WNT6: variants seen among roughly 807,000 people sequenced by gnomAD.
WNT6 encodes Wnt family member 6.
In WNT6, 27 loss-of-function variants were observed where a neutral mutation model predicts 33.1. The observed-to-expected ratio is 0.82, with a 90% confidence interval of 0.60 to 1.12. The LOEUF is 1.12. Ranked by LOEUF, WNT6 falls within the 50% of genes most tolerant of loss-of-function variation. The pLI is 0.00. For synonymous variants in WNT6, 249 were observed against 242.8 expected, an observed-to-expected ratio of 1.03 and a Z score of -0.24; for missense variants, 494 against 535.3, an observed-to-expected ratio of 0.92 and a Z score of 0.76.
chr2:218,866,759 A>T (rs1944357777), intron 1 of WNT6, among the ~76,000 whole-genome samples: 1 of 152,242 alleles, frequency 6.6e-6, no homozygotes, highest in Admixed American at 6.5e-5. Context: ...AGCAAATGGC[A>T]GAGCCCAGAT....
Position 218,873,962 on chromosome 2 carries a change from C to T in WNT6, c.*117C>T. The T allele has an allele frequency of 1.8e-6, 2 of 1,113,262 alleles. No homozygotes were observed. The highest frequency in any genetic ancestry group is 2.4e-6 in the Non-Finnish European group (2 of 826,024). The allele number at this position is 1,113,262 out of a possible 1,614,324, so 69.0% of individuals were successfully genotyped here. A position where few individuals can be genotyped will look rare whatever the true frequency, so the allele number is the denominator to read the frequency against. On this transcript the variant is annotated 3_prime_UTR_variant, in exon 4 of 4. Coordinates refer to ENST00000233948, the MANE Select transcript of WNT6 (RefSeq NM_006522.4). The surrounding 1 kb of genome is among the most constrained non-coding windows in gnomAD (Gnocchi z 6.1). The stretch of plus-strand genomic sequence containing the variant: ...GAGCCCAGCCTCTCCCTGCCAAAGC[C>T]CAACTCCCAGGGCTCTGGAAATGGT...
intron 1 of WNT6, among the ~76,000 whole-genome samples, chr2:218,860,800 C>G (rs1284259936): frequency 6.6e-6 from 1 of 151,058 alleles, no homozygotes; most frequent in Non-Finnish European, 1.5e-5. Context: ...GCCTGGCCAG[C>G]CAAGGGAAGG....
intron 1 of WNT6, 146 bp from the exon 2 acceptor site, chr2:218,870,881 C>G: frequency 1.4e-6 from 1 of 695,056 alleles, no homozygotes; most frequent in Non-Finnish European, 2.4e-6. Context: ...GAGAGCCAGA[C>G]AGGACAATCT....
chr2:218,872,735 T>C (rs1490892586), intron 3 of WNT6, among the ~76,000 whole-genome samples: 1 of 152,068 alleles, frequency 6.6e-6, no homozygotes, highest in African/African-American at 2.4e-5. Context: ...GCCGCCTGGG[T>C]TCCACTCTCA....
rs149156287 is a variant in WNT6, at chr2:218,871,778, C to T, written c.595C>T (p.Arg199Cys). ...ARHKRGRGDI[R>C]ALVQLHNNEA... ...GCACAAGCGGGGACGCGGAGACATCCGCGCGTTGGTGCAACTGCACAACAA... is the reference window on the plus strand; with the variant it reads ...GCACAAGCGGGGACGCGGAGACATCTGCGCGTTGGTGCAACTGCACAACAA... Residue 199 changes from arginine (R) to cysteine (C), a missense_variant, in exon 3 of 4, where the codon CGC becomes TGC. Transcript: ENST00000233948. The surrounding 1 kb of genome is among the most constrained non-coding windows in gnomAD (Gnocchi z 6.4). 6.3e-7 allele frequency: 1 copy of T among 1,599,502 alleles called. No homozygotes were observed. Among genetic ancestry groups the T allele is most frequent in the African/African-American group, 1.4e-5 (1 of 73,510 alleles).
At chr2:218,861,844 A>G (rs1216229453) in intron 1 of WNT6, among the ~76,000 whole-genome samples, 2 of 152,054 alleles carry the variant, frequency 1.3e-5, no homozygotes, top group African/African-American at 4.8e-5. Context: ...TATCACATAC[A>G]TTGGGCAACT....
intron 1 of WNT6, 87 bp from the exon 2 acceptor site, chr2:218,870,940 G>C: frequency 7.7e-7 from 1 of 1,300,858 alleles, no homozygotes; most frequent in Non-Finnish European, 1.1e-6. Flanking sequence ...AGCTCCCGCT[G>C]CGGGCTGAGT....
Position 218,871,781 on chromosome 2 carries a change from G to T in WNT6, c.598G>T (p.Ala200Ser), listed in dbSNP as rs1350974775. The T allele has an allele frequency of 6.3e-7, 1 of 1,599,170 alleles. No homozygotes were observed. The highest frequency in any genetic ancestry group is 2.3e-5 in the East Asian group (1 of 42,616). The change falls in exon 3 of 4, where the codon GCG (alanine) becomes TCG (serine). Residue 200 changes from alanine (A) to serine (S), a missense_variant. Physicochemically the swap from Ala to Ser is moderately conservative, Grantham distance 99. Transcript: ENST00000233948. The surrounding 1 kb of genome is among the most constrained non-coding windows in gnomAD (Gnocchi z 6.4). ...CAAGCGGGGACGCGGAGACATCCGCGCGTTGGTGCAACTGCACAACAACGA... is the reference window on the plus strand; with the variant it reads ...CAAGCGGGGACGCGGAGACATCCGCTCGTTGGTGCAACTGCACAACAACGA... ...RHKRGRGDIR[A>S]LVQLHNNEAG...
In WNT6 at chr2:218,871,504, C is replaced by A. The variant is rs747402701; in HGVS notation, c.321C>A (p.Phe107Leu). The change falls in exon 3 of 4, where the codon TTC becomes TTA. Residue 107 changes from phenylalanine to leucine, a missense_variant. By Grantham distance (22) the Phe-to-Leu change is conservative. Coordinates refer to ENST00000233948, the MANE Select transcript of WNT6 (RefSeq NM_006522.4). This position sits in a 1 kb window ranked among gnomAD's most constrained non-coding sequence, Gnocchi z 6.4. ...ILQQDIRETA[F>L]VFAITAAGAS... ...TCACAGACATTCGGGAGACGGCCTT[C>A]GTGTTCGCCATCACTGCGGCCGGCG... is the stretch of plus-strand genomic sequence containing the variant. 1 of 1,597,660 alleles carries A rather than the reference C, an allele frequency of 6.3e-7. No homozygotes were observed. The highest frequency in any genetic ancestry group is 8.5e-7 in the Non-Finnish European group (1 of 1,179,370).
At chr2:218,869,216 G>GTGCGTGTGCA (rs1553621018) in intron 1 of WNT6, among the ~76,000 whole-genome samples, 2 of 150,868 alleles carry the variant, frequency 1.3e-5, no homozygotes, top group Non-Finnish European at 2.9e-5. Flanking sequence ...TTTTGTGTGT[G>GTGCGTGTGCA]TGCGTGCGCA....
At chr2:218,860,163 G>A (rs954093553) in intron 1 of WNT6, 46 bp downstream of exon 1, 8 of 1,475,374 alleles carry the variant, frequency 5.4e-6, no homozygotes, top group Non-Finnish European at 7.2e-6. Flanking sequence ...GGAGGGTGGG[G>A]ACCCCGGGAC....
chr2:218,873,377 CCCGCAGG>C lies in WNT6; in HGVS notation c.637-3_640del. On this transcript the variant is annotated splice_acceptor_variant and splice_polypyrimidine_tract_variant and coding_sequence_variant and intron_variant, in exon 4 of 4. Coordinates refer to ENST00000233948, the MANE Select transcript of WNT6 (RefSeq NM_006522.4). LOFTEE classifies it high-confidence loss of function. The surrounding 1 kb of genome is among the most constrained non-coding windows in gnomAD (Gnocchi z 6.1). ...TCCACATGCGTCCGCCCCTCTGCCT[CCCGCAGG>C]CCGTGCGGAGCCACACGCGCACCGA... The C allele has an allele frequency of 6.5e-7, 1 of 1,533,284 alleles. No homozygotes were observed. The highest frequency in any genetic ancestry group is 2.5e-5 in the East Asian group (1 of 40,622). The allele number at this position is 1,533,284 out of a possible 1,614,324, so 95.0% of individuals were successfully genotyped here.
chr2:218,871,634 AC>A lies in WNT6; in HGVS notation c.456del (p.Gly153AspfsTer197). ...TCCCCGGCCCTCCGGCCTGCCCGGC[AC>A]CCCCGGACCCCCTGGCCCCGCGGGC... Reference protein sequence around the residue: ...APPRPSGLPGTPGPPGPAGSP... With the variant: ...APPRPSGLPGXPGPPGPAGSP... On this transcript the variant is annotated frameshift_variant, in exon 3 of 4. Coordinates refer to ENST00000233948, the MANE Select transcript of WNT6 (RefSeq NM_006522.4). LOFTEE classifies it high-confidence loss of function. This position sits in a 1 kb window ranked among gnomAD's most constrained non-coding sequence, Gnocchi z 6.4. The A allele has an allele frequency of 6.8e-7, 1 of 1,462,304 alleles. No individual in the cohort carries two copies. Among genetic ancestry groups the A allele is most frequent in the Non-Finnish European group, 9.0e-7 (1 of 1,112,116 alleles). 90.6% of individuals were successfully genotyped at this position (1,462,304 alleles called of 1,614,324 possible). A position where few individuals can be genotyped will look rare whatever the true frequency, so the allele number is the denominator to read the frequency against.
intron 1 of WNT6, 48 bp from the exon 2 acceptor site, chr2:218,870,979 A>G: frequency 6.6e-7 from 1 of 1,522,138 alleles, no homozygotes; most frequent in South Asian, 1.3e-5. Context: ...TTCCACCCCA[A>G]GCCCTTTTTT....
Position 218,859,973 on chromosome 2 carries a change from C to G in WNT6, c.-65C>G. ...GCGCTCGCACTGAAGCCCGGGCCCT[C>G]GCGCGCCGCGGTTCGCCCCGCAGCC... On this transcript the variant is annotated 5_prime_UTR_variant, in exon 1 of 4. Transcript: ENST00000233948. 1 of 1,253,000 alleles carries G rather than the reference C, an allele frequency of 8.0e-7. No individual in the cohort carries two copies. The highest frequency in any genetic ancestry group is 1.0e-6 in the Non-Finnish European group (1 of 992,162). The allele number at this position is 1,253,000 out of a possible 1,614,324, so 77.6% of individuals were successfully genotyped here.
Position 218,873,856 on chromosome 2 carries a change from G to A in WNT6, c.*11G>A. 1 of 1,458,504 alleles carries A rather than the reference G, an allele frequency of 6.9e-7. No homozygotes were observed. The highest frequency in any genetic ancestry group is 2.4e-5 in the Admixed American group (1 of 41,944). The allele number at this position is 1,458,504 out of a possible 1,614,324, so 90.3% of individuals were successfully genotyped here. ...AGCCTCTGCCTGTGACCCGCCGCCC[G>A]GCCGCTAGACTGACTTCGCGCAGCG... On this transcript the variant is annotated 3_prime_UTR_variant, in exon 4 of 4. Coordinates refer to ENST00000233948, the MANE Select transcript of WNT6 (RefSeq NM_006522.4). This position sits in a 1 kb window ranked among gnomAD's most constrained non-coding sequence, Gnocchi z 6.1.
chr2:218,861,480 G>C (rs1944309882), intron 1 of WNT6, among the ~76,000 whole-genome samples: 1 of 152,102 alleles, frequency 6.6e-6, no homozygotes, highest in Non-Finnish European at 1.5e-5. Flanking sequence ...GGGAAGGTTA[G>C]GTGGGAGGAC....
At position 218,867,742 on chromosome 2, in the gene WNT6, A is replaced by T. The variant is rs1464416865; in HGVS notation, c.81-3285A>T. 1.3e-5 allele frequency among the ~76,000 whole-genome samples: 2 copies of T among 152,214 alleles called. No individual in the cohort carries two copies. The highest frequency in any genetic ancestry group is 1.5e-5 in the Non-Finnish European group (1 of 68,040). ...CTGGGCTGATCCTAGGCCAATGCTG[A>T]CCCAAAGGCCTGAAAAGCAGAGTTC... On this transcript the variant is annotated intron_variant, in intron 1 of 3. Coordinates refer to ENST00000233948, the MANE Select transcript of WNT6 (RefSeq NM_006522.4). The surrounding 1 kb of genome is among the most constrained non-coding windows in gnomAD (Gnocchi z 4.9).
intron 1 of WNT6, among the ~76,000 whole-genome samples, chr2:218,863,410 T>C (rs1468260594): frequency 2.0e-5 from 3 of 152,192 alleles, no homozygotes; most frequent in Non-Finnish European, 4.4e-5. Flanking sequence ...CCCAGGACCT[T>C]TGAGTGACTC....
Sources: gnomAD v4.1 joint callset for allele counts (sites outside exome capture counted in the v4.1 genomes callset) on GRCh38, gnomAD v4.1.1 for gene constraint, Gnocchi (gnomAD v3.1) non-coding constraint, MANE v1.5 for transcripts, NCBI Gene and HGNC (gene_info 2026-07-23, HGNC 2026-07-21) for gene names.